The following CFAP161 variants were observed in gnomAD, a reference collection of about 807,000 sequenced individuals.
The protein encoded by CFAP161 is cilia and flagella associated protein 161, also known as cilia- and flagella-associated protein 161.
Under a neutral mutation model 29.0 loss-of-function variants are expected in CFAP161, and 25 were observed. That is an observed-to-expected ratio of 0.86 (90% CI 0.63 to 1.20). The LOEUF is 1.20. Among genes scored for constraint, CFAP161 ranks in the 50% most tolerant of loss-of-function variants. CFAP161 has a pLI of 0.00. For missense variants in CFAP161, 367 were observed against 371.9 expected (o/e 0.99, Z 0.11); for synonymous variants, 116 against 137.4 (o/e 0.84, Z 1.09).
chr15:81,102,856 G>A (rs1000505639), intron 1 of CFAP161, among the ~76,000 whole-genome samples: 3 of 152,168 alleles, frequency 2.0e-5, no homozygotes, highest in African/African-American at 4.8e-5. Flanking sequence ...GGATCATTAC[G>A]TTGGGTATTA....
intron 1 of CFAP161, among the ~76,000 whole-genome samples, chr15:81,120,589 G>A (rs1012125161): frequency 5.3e-5 from 8 of 152,136 alleles, no homozygotes; most frequent in African/African-American, 1.9e-4. Flanking sequence ...ACAACATAGT[G>A]AGACCTCGTC....
intron 1 of CFAP161, among the ~76,000 whole-genome samples, chr15:81,119,008 G>T (rs1349291878): frequency 3.3e-5 from 5 of 152,192 alleles, no homozygotes; most frequent in Admixed American, 3.3e-4. Flanking sequence ...TTAGTTTCAT[G>T]TATTTTGTTT....
chr15:81,137,773 C>T (rs1333361451), intron 3 of CFAP161, among the ~76,000 whole-genome samples: 1 of 152,186 alleles, frequency 6.6e-6, no homozygotes, highest in Non-Finnish European at 1.5e-5. Flanking sequence ...CCTTAGTATA[C>T]ATTAGCAAGA....
rs916074287 is a variant in CFAP161, at chr15:81,124,658, C to T, written c.-141-2932C>T. Among the ~76,000 whole-genome samples the T allele has an allele frequency of 3.3e-5, 5 of 151,840 alleles. No homozygotes were observed. The East Asian group carries it at 5.8e-4, about 18-fold the overall frequency. On this transcript the variant is annotated intron_variant, in intron 1 of 4. Coordinates refer to the CFAP161 transcript ENST00000560091. ...ATCTGCTCCTGGGCTTTTTTTGGTT[C>T]AAAGGCTAATTACTGCCTCAATTTC... is the stretch of plus-strand genomic sequence containing the variant.
chr15:81,111,376 T>C (rs1894438325), intron 1 of CFAP161, among the ~76,000 whole-genome samples: 2 of 152,252 alleles, frequency 1.3e-5, no homozygotes, highest in South Asian at 4.1e-4. Context: ...TCACTTTTGA[T>C]TCTTTTCTTA....
At chr15:81,139,267 A>G (rs1362104473) in intron 4 of CFAP161, among the ~76,000 whole-genome samples, 1 of 152,162 alleles carries the variant, frequency 6.6e-6, no homozygotes, top group African/African-American at 2.4e-5. Flanking sequence ...ACTGTACTCC[A>G]GCCTGGGTGA....
At chr15:81,104,979 C>T (rs769245924) in intron 1 of CFAP161, among the ~76,000 whole-genome samples, 9 of 152,024 alleles carry the variant, frequency 5.9e-5, no homozygotes, top group African/African-American at 9.7e-5. Context: ...TGGTTCCTTC[C>T]GGTGACTCTG....
chr15:81,147,773 A>C, intron 5 of CFAP161, 85 bp from the exon 6 acceptor site: 4 of 872,444 alleles, frequency 4.6e-6, no homozygotes, highest in Non-Finnish European at 6.9e-6. Context: ...ATAATCCCAA[A>C]TTTTTGCTTT....
chr15:81,138,858 G>T (rs755999239), intron 4 of CFAP161, among the ~76,000 whole-genome samples: 1 of 152,098 alleles, frequency 6.6e-6, no homozygotes, highest in African/African-American at 2.4e-5. Context: ...AAAAACTGAG[G>T]CACCAAGAGG....
rs1399613410 is a variant in CFAP161 at position 81,146,831 on chromosome 15, A to AACATAT, written c.637-1026_637-1025insCATATA. On this transcript the variant is annotated intron_variant, in intron 5 of 6. Coordinates refer to ENST00000286732, the MANE Select transcript of CFAP161 (RefSeq NM_173528.4). Reference sequence around the variant, plus strand: ...TTTGCTCTTAAATAGGATAGCTACAAATATATATATATATATATATATATA... The same window carrying AACATAT: ...TTTGCTCTTAAATAGGATAGCTACAAACATATATATATATATATATATATATATATA... 4.2e-5 allele frequency among the ~76,000 whole-genome samples: 3 copies of AACATAT among 70,594 alleles called. No individual in the cohort carries two copies. In the East Asian group the frequency reaches 1.1e-3, roughly 26 times the overall value. The allele number at this position is 70,594 out of a possible 152,430, so 46.3% of individuals were successfully genotyped here.
At chr15:81,120,423 A>G (rs1462391321) in intron 1 of CFAP161, among the ~76,000 whole-genome samples, 1 of 152,228 alleles carries the variant, frequency 6.6e-6, no homozygotes, top group African/African-American at 2.4e-5. Flanking sequence ...AGACCTCCAA[A>G]ATAAAATGTC....
chr15:81,114,930 T>C (rs1894479246), intron 1 of CFAP161, among the ~76,000 whole-genome samples: 1 of 152,118 alleles, frequency 6.6e-6, no homozygotes, highest in African/African-American at 2.4e-5. Context: ...CCCAAAGTCC[T>C]AGGATTACAG....
chr15:81,125,743 G>GTTATC (rs1894632388), intron 1 of CFAP161, among the ~76,000 whole-genome samples: 1 of 152,108 alleles, frequency 6.6e-6, no homozygotes, highest in African/African-American at 2.4e-5. Context: ...CATACAACAT[G>GTTATC]ATAAATGTAC....
chr15:81,102,439 C>A lies in CFAP161; in HGVS notation c.-141-25151C>A, dbSNP rs112170691. 8.4e-3 allele frequency among the ~76,000 whole-genome samples: 1,280 copies of A among 151,966 alleles called. 22 individuals carry two copies. Among genetic ancestry groups the A allele is most frequent in the African/African-American group, 0.026 (1,088 of 41,480 alleles). On this transcript the variant is annotated intron_variant, in intron 1 of 4. Coordinates refer to the CFAP161 transcript ENST00000560091. Reference sequence around the variant, plus strand: ...TCCCAGCACTTTGGGAGGCCAAGGCCGGGAGATTGCTTGAGCCCAGGAGTT... The same window carrying A: ...TCCCAGCACTTTGGGAGGCCAAGGCAGGGAGATTGCTTGAGCCCAGGAGTT...
At chr15:81,144,612 T>A (rs1894974565) in intron 5 of CFAP161, among the ~76,000 whole-genome samples, 1 of 151,268 alleles carries the variant, frequency 6.6e-6, no homozygotes, top group Admixed American at 6.6e-5. Flanking sequence ...AATAAATAAA[T>A]GAATAAATGA....
rs527465471 is a variant in CFAP161, at chr15:81,101,526, C to CAAAAAAA, written c.-141-26044_-141-26038dup. Among the ~76,000 whole-genome samples the CAAAAAAA allele has an allele frequency of 1.3e-4, 6 of 46,106 alleles. 1 individual carries two copies. The highest frequency in any genetic ancestry group is 3.0e-4 in the African/African-American group (3 of 9,948). 30.2% of individuals were successfully genotyped at this position (46,106 alleles called of 152,430 possible). On this transcript the variant is annotated intron_variant, in intron 1 of 4. Coordinates refer to the CFAP161 transcript ENST00000560091. ...TGGGTGACAGAGTAAGACTCTGTCT[C>CAAAAAAA]AAAAAAAAAAAAAAAAAAAAAAAAA...
intron 2 of CFAP161, 76 bp downstream of exon 2, chr15:81,135,435 T>C: frequency 4.3e-6 from 4 of 929,462 alleles, no homozygotes; most frequent in Non-Finnish European, 6.5e-6. Context: ...TACATATGTA[T>C]ACATATGCTA....
intron 1 of CFAP161, among the ~76,000 whole-genome samples, chr15:81,109,962 A>T (rs1894420630): frequency 6.6e-6 from 1 of 152,002 alleles, no homozygotes; most frequent in Non-Finnish European, 1.5e-5. Flanking sequence ...TGATTTCACC[A>T]TTTTTCCACC....
intron 1 of CFAP161, among the ~76,000 whole-genome samples, chr15:81,116,655 T>C (rs1332142931): frequency 6.6e-6 from 1 of 152,200 alleles, no homozygotes; most frequent in East Asian, 1.9e-4. Flanking sequence ...CATCAACTTT[T>C]TCCCCTGGTT....
Sources: allele counts gnomAD v4.1 joint callset (sites outside exome capture counted in the v4.1 genomes callset), GRCh38; gene constraint gnomAD v4.1.1; transcripts MANE v1.5; gene names NCBI Gene and HGNC (gene_info 2026-07-23, HGNC 2026-07-21).